Variants in SNTG1 observed in about 807,000 individuals in gnomAD.
SNTG1 encodes syntrophin gamma 1, also known as gamma-1-syntrophin.
A neutral mutation model predicts 74.7 loss-of-function variants in SNTG1; 39 were observed. The ratio of observed to expected loss-of-function variants is 0.52; its 90% CI spans 0.40 to 0.68. SNTG1 has a LOEUF of 0.68. Among genes scored for constraint, SNTG1 ranks in the 30% least tolerant of loss-of-function variants. The pLI, the probability that SNTG1 is intolerant of heterozygous loss-of-function variation, is 0.00. For missense variants in SNTG1, 685 were observed against 609.5 expected, an observed-to-expected ratio of 1.12 and a Z score of -1.30; for synonymous variants, 254 against 217.1, an observed-to-expected ratio of 1.17 and a Z score of -1.49.
intron 9 of SNTG1, among the ~76,000 whole-genome samples, chr8:50,517,616 C>CAAAAAAAAA (rs1161724778): frequency 8.0e-5 from 5 of 62,354 alleles, no homozygotes; most frequent in Non-Finnish European, 1.0e-4. Context: ...AAATGGAAAG[C>CAAAAAAAAA]AAAAAAAAAA....
At chr8:50,672,433 A>G (rs2095288618) in intron 15 of SNTG1, among the ~76,000 whole-genome samples, 2 of 152,130 alleles carry the variant, frequency 1.3e-5, no homozygotes, top group African/African-American at 4.8e-5. Flanking sequence ...TGTAATGATC[A>G]GTGATCTTGA....
At chr8:50,018,845 GA>G (rs1816575605) in intron 1 of SNTG1, among the ~76,000 whole-genome samples, 1 of 152,024 alleles carries the variant, frequency 6.6e-6, no homozygotes, top group Non-Finnish European at 1.5e-5. Context: ...TGTTGGCCAA[GA>G]TGTGGAGACA....
chr8:50,227,228 T>C (rs1180781122), intron 2 of SNTG1, among the ~76,000 whole-genome samples: 1 of 152,100 alleles, frequency 6.6e-6, no homozygotes, highest in Admixed American at 6.6e-5. Flanking sequence ...AAATGAATTG[T>C]TGATGTTCTC....
At chr8:50,477,079 C>T (rs992844846) in intron 8 of SNTG1, among the ~76,000 whole-genome samples, 6 of 152,012 alleles carry the variant, frequency 3.9e-5, no homozygotes, top group Admixed American at 3.9e-4. Context: ...AATCATTAAA[C>T]TGGGGAAGAA....
At chr8:50,132,731 C>A (rs142939108) in intron 1 of SNTG1, among the ~76,000 whole-genome samples, 45 of 152,238 alleles carry the variant, frequency 3.0e-4, no homozygotes, top group Admixed American at 2.3e-3. Flanking sequence ...TATTTTGTCC[C>A]ATCTCTGTCT....
At chr8:50,661,098 G>T (rs1026994144) in intron 15 of SNTG1, among the ~76,000 whole-genome samples, 1 of 152,134 alleles carries the variant, frequency 6.6e-6, no homozygotes, top group African/African-American at 2.4e-5. Context: ...TTAAATGTTT[G>T]CTATATACCA....
chr8:50,515,211 A>G (rs1421913078), intron 9 of SNTG1, among the ~76,000 whole-genome samples: 2 of 151,828 alleles, frequency 1.3e-5, no homozygotes, highest in Non-Finnish European at 2.9e-5. Context: ...TAGCAATAAA[A>G]CAAGACACAC....
intron 13 of SNTG1, among the ~76,000 whole-genome samples, chr8:50,604,041 G>A (rs973333111): frequency 2.6e-5 from 4 of 152,308 alleles, no homozygotes; most frequent in East Asian, 3.9e-4. Flanking sequence ...CAAGGGTAAT[G>A]TCTTGTACTT....
At chr8:50,582,496 G>C (rs1010325842) in intron 12 of SNTG1, among the ~76,000 whole-genome samples, 4 of 152,084 alleles carry the variant, frequency 2.6e-5, no homozygotes, top group African/African-American at 9.7e-5. Flanking sequence ...AGGAAATAAA[G>C]ATATAATTAA....
At chr8:50,509,600 G>A (rs1181224775) in intron 9 of SNTG1, among the ~76,000 whole-genome samples, 4 of 151,934 alleles carry the variant, frequency 2.6e-5, no homozygotes, top group Non-Finnish European at 5.9e-5. Flanking sequence ...ATTGAGCAGT[G>A]GTGTGTAGTT....
At position 49,941,939 on chromosome 8, in the gene SNTG1, G is replaced by A. The variant is rs368432259; in HGVS notation, c.-103+29708G>A. Among the ~76,000 whole-genome samples the A allele has an allele frequency of 2.2e-4, 34 of 152,212 alleles. No homozygotes were observed. The East Asian group carries it at 5.4e-3, about 24-fold the overall frequency. ...AACATTGCACTGGAGTAAAAATTTCGAGAAGTGTTCAGACATATGTTGGTC... is the reference window on the plus strand; with the variant it reads ...AACATTGCACTGGAGTAAAAATTTCAAGAAGTGTTCAGACATATGTTGGTC... On this transcript the variant is annotated intron_variant, in intron 1 of 18. Coordinates refer to ENST00000642720, the MANE Select transcript of SNTG1 (RefSeq NM_018967.5).
chr8:50,115,528 A>G (rs545527913), intron 1 of SNTG1, among the ~76,000 whole-genome samples: 271 of 140,762 alleles, frequency 1.9e-3, no homozygotes, highest in African/African-American at 6.5e-3. Context: ...AGATCTTGCC[A>G]TTGCACTCCA....
chr8:50,474,970 C>G (rs1004273380), intron 8 of SNTG1, among the ~76,000 whole-genome samples: 8 of 150,762 alleles, frequency 5.3e-5, no homozygotes, highest in Admixed American at 2.0e-4. Context: ...AGCAAACTAT[C>G]GCAAGGACAA....
chr8:50,791,969 A>AAT (rs1183686463), intron 18 of SNTG1, among the ~76,000 whole-genome samples: 4 of 151,746 alleles, frequency 2.6e-5, no homozygotes, highest in African/African-American at 9.7e-5. Flanking sequence ...TTTTCACTGC[A>AAT]ATATATATAG....
chr8:50,792,191 TAA>T (rs896957161), intron 18 of SNTG1, among the ~76,000 whole-genome samples: 3 of 151,768 alleles, frequency 2.0e-5, no homozygotes, highest in Non-Finnish European at 4.4e-5. Context: ...CCTCTGGTTA[TAA>T]GAGTTCATAT....
intron 2 of SNTG1, among the ~76,000 whole-genome samples, chr8:50,305,870 A>C (rs1188574366): frequency 6.6e-6 from 1 of 151,604 alleles, no homozygotes; most frequent in African/African-American, 2.4e-5. Flanking sequence ...CAACATTGCC[A>C]AAAGTTATAC....
chr8:49,928,701 T>G (rs917284504), intron 1 of SNTG1, among the ~76,000 whole-genome samples: 1 of 152,108 alleles, frequency 6.6e-6, no homozygotes. Context: ...TATTTAATTT[T>G]TTAAAAATTA....
At chr8:50,201,780 A>C (rs916486637) in intron 2 of SNTG1, among the ~76,000 whole-genome samples, 3 of 152,150 alleles carry the variant, frequency 2.0e-5, no homozygotes, top group African/African-American at 7.2e-5. Context: ...GTATATATCC[A>C]TTTGTATCTA....
intron 13 of SNTG1, chr8:50,644,060 A>G (rs1337227999): frequency 1.3e-5 from 2 of 152,276 alleles, no homozygotes; most frequent in Admixed American, 1.3e-4. Flanking sequence ...ACTGTGAGAC[A>G]GGTGCCCTGG....
Sources: allele counts gnomAD v4.1 joint callset (sites outside exome capture counted in the v4.1 genomes callset), GRCh38; gene constraint gnomAD v4.1.1; transcripts MANE v1.5; gene names NCBI Gene and HGNC (gene_info 2026-07-23, HGNC 2026-07-21).